The following SP4 variants were observed in gnomAD, a reference collection of about 807,000 sequenced individuals.
The protein encoded by SP4 is transcription factor Sp4.
SP4 carries 19 observed loss-of-function variants against 72.8 expected under a neutral mutation model. The observed-to-expected ratio is 0.26, with a 90% CI of 0.18 to 0.38. The LOEUF is 0.38. Ranked by LOEUF, SP4 falls within the 10% of genes least tolerant of loss-of-function variation. SP4 has a pLI of 1.00. For missense variants in SP4, 1,008 were observed against 926.3 expected, an observed-to-expected ratio of 1.09 and a Z score of -1.14; for synonymous variants, 395 against 333.1, an observed-to-expected ratio of 1.19 and a Z score of -2.02.
intron 3 of SP4, among the ~76,000 whole-genome samples, chr7:21,449,389 C>G (rs1285706064): frequency 6.6e-6 from 1 of 152,178 alleles, no homozygotes; most frequent in Non-Finnish European, 1.5e-5. Flanking sequence ...TATTAATACA[C>G]TATCTTTTAA....
chr7:21,428,594 G>GGA (rs773476842), intron 1 of SP4, 83 bp from the exon 2 acceptor site: 51 of 1,325,052 alleles, frequency 3.8e-5, no homozygotes, highest in African/African-American at 5.9e-5. Flanking sequence ...GGGGGAGGGG[G>GGA]GAGAAGAGGA....
At chr7:21,448,181 G>A (rs190513685) in intron 3 of SP4, among the ~76,000 whole-genome samples, 37 of 152,294 alleles carry the variant, frequency 2.4e-4, no homozygotes, top group African/African-American at 8.4e-4. Flanking sequence ...AGTTACCCAT[G>A]ATTACTGAGA....
At chr7:21,443,851 A>G (rs1464691602) in intron 3 of SP4, among the ~76,000 whole-genome samples, 1 of 152,258 alleles carries the variant, frequency 6.6e-6, no homozygotes, top group Non-Finnish European at 1.5e-5. Context: ...GGTTTTTCCA[A>G]ATATTTAAAT....
chr7:21,447,607 C>T (rs1783468149), intron 3 of SP4, among the ~76,000 whole-genome samples: 1 of 152,178 alleles, frequency 6.6e-6, no homozygotes, highest in Non-Finnish European at 1.5e-5. Context: ...AGTATTAAGG[C>T]AGGGAGAATA....
intron 3 of SP4, among the ~76,000 whole-genome samples, chr7:21,476,777 G>A (rs926255066): frequency 6.6e-6 from 1 of 152,164 alleles, no homozygotes; most frequent in African/African-American, 2.4e-5. Flanking sequence ...TAGTATTTTA[G>A]TGAGTAGGTA....
At chr7:21,466,789 A>ATT (rs10540157) in intron 3 of SP4, among the ~76,000 whole-genome samples, 2 of 145,958 alleles carry the variant, frequency 1.4e-5, no homozygotes, top group African/African-American at 5.0e-5. Flanking sequence ...CAAATCTAGG[A>ATT]TTTTTTTTTT....
At chr7:21,443,536 G>T (rs1299000853) in intron 3 of SP4, among the ~76,000 whole-genome samples, 1 of 152,108 alleles carries the variant, frequency 6.6e-6, no homozygotes, top group African/African-American at 2.4e-5. Context: ...AGTCAGAAGG[G>T]GTTTAGTACA....
chr7:21,454,204 A>C (rs968039486), intron 3 of SP4, among the ~76,000 whole-genome samples: 5 of 152,220 alleles, frequency 3.3e-5, no homozygotes, highest in Non-Finnish European at 5.9e-5. Flanking sequence ...GCTAGGGGGC[A>C]TGGCTAACTC....
intron 3 of SP4, among the ~76,000 whole-genome samples, chr7:21,454,292 A>G (rs373327727): frequency 1.3e-5 from 2 of 151,970 alleles, no homozygotes; most frequent in African/African-American, 4.8e-5. Flanking sequence ...TTTAGGAAGC[A>G]TTTAGTGGGC....
intron 3 of SP4, chr7:21,471,056 A>G (rs1415276419): frequency 5.6e-6 from 3 of 534,640 alleles, no homozygotes; most frequent in African/African-American, 1.9e-5. Flanking sequence ...GATTCCAGCT[A>G]TATTATTCAA....
chr7:21,445,996 G>C (rs1463913999), intron 3 of SP4, among the ~76,000 whole-genome samples: 1 of 40,068 alleles, frequency 2.5e-5, no homozygotes, highest in Non-Finnish European at 4.4e-5. Context: ...GTATGTGTGT[G>C]TGTGTGTGTG....
intron 3 of SP4, among the ~76,000 whole-genome samples, chr7:21,468,425 A>G (rs1410768375): frequency 6.6e-6 from 1 of 151,980 alleles, no homozygotes; most frequent in Non-Finnish European, 1.5e-5. Context: ...GTCTTGTTTT[A>G]TATCCTTTAT....
In SP4 at chr7:21,450,443, T is replaced by C. The variant is rs137872241; in HGVS notation, c.1678+19600T>C. 9.2e-4 allele frequency among the ~76,000 whole-genome samples: 140 copies of C among 152,290 alleles called. 1 individual carries two copies. The highest frequency in any genetic ancestry group is 2.8e-3 in the Admixed American group (43 of 15,290). On this transcript the variant is annotated intron_variant, in intron 3 of 5. Coordinates refer to ENST00000222584, the MANE Select transcript of SP4 (RefSeq NM_003112.5). ...TTTGGGGTGCAATAGGTTTCTGTTA[T>C]ATTCTCTTTCATTGGGCCTTCATAT...
intron 3 of SP4, chr7:21,471,152 A>G (rs558511929): frequency 3.2e-5 from 17 of 534,366 alleles, no homozygotes; most frequent in Admixed American, 1.4e-4. Flanking sequence ...GTGCCAAGAG[A>G]TGAAGTTATA....
chr7:21,453,005 C>G (rs1425793439), intron 3 of SP4, among the ~76,000 whole-genome samples: 2 of 152,080 alleles, frequency 1.3e-5, no homozygotes, highest in Non-Finnish European at 1.5e-5. Flanking sequence ...GTCTTGAACT[C>G]CTGACCTTGT....
At chr7:21,438,323 C>G (rs1243569372) in intron 3 of SP4, among the ~76,000 whole-genome samples, 6 of 152,084 alleles carry the variant, frequency 3.9e-5, no homozygotes, top group Non-Finnish European at 8.8e-5. Flanking sequence ...GGCCAGAGTT[C>G]TCTGTAAGTC....
intron 5 of SP4, among the ~76,000 whole-genome samples, chr7:21,501,660 C>A (rs997212911): frequency 5.3e-5 from 8 of 152,164 alleles, no homozygotes; most frequent in African/African-American, 1.9e-4. Flanking sequence ...TCTAGCCAAC[C>A]CATAAATGGG....
chr7:21,440,851 AAAC>A (rs779338567), intron 3 of SP4, among the ~76,000 whole-genome samples: 7,102 of 138,514 alleles, frequency 0.051, 234 homozygotes, highest in Admixed American at 0.067. Flanking sequence ...CCCTGTCTCA[AAAC>A]AACAACAACA....
chr7:21,428,627 A>T (rs777650723), intron 1 of SP4, 50 bp from the exon 2 acceptor site: 1 of 1,474,750 alleles, frequency 6.8e-7, no homozygotes, highest in African/African-American at 1.4e-5. Context: ...GAATAATAAT[A>T]ATCCTAATAA....
Sources: gnomAD v4.1 joint callset for allele counts (sites outside exome capture counted in the v4.1 genomes callset) on GRCh38, gnomAD v4.1.1 for gene constraint, MANE v1.5 for transcripts, NCBI Gene and HGNC (gene_info 2026-07-23, HGNC 2026-07-21) for gene names.